The following CFAP70 variants were observed in gnomAD, a reference collection of about 807,000 sequenced individuals.
CFAP70 encodes the protein cilia- and flagella-associated protein 70.
CFAP70 carries 81 observed loss-of-function variants against 137.6 expected under a neutral mutation model. The observed-to-expected ratio is 0.59, with a 90% CI of 0.49 to 0.71. The LOEUF is 0.71. Ranked by LOEUF, CFAP70 falls within the 30% of genes least tolerant of loss-of-function variation. CFAP70 has a pLI of 0.00. For synonymous variants in CFAP70, 382 were observed against 423.6 expected (o/e 0.90, Z 1.20); for missense variants, 976 against 1,226.7 (o/e 0.80, Z 3.05).
chr10:73,343,101 T>C (rs1455371242), intron 5 of CFAP70, among the ~76,000 whole-genome samples: 1 of 150,752 alleles, frequency 6.6e-6, no homozygotes, highest in East Asian at 1.9e-4. Context: ...TCCCAGCTAC[T>C]CGGGAGGCTG....
intron 12 of CFAP70, among the ~76,000 whole-genome samples, chr10:73,309,635 T>C (rs115411954): frequency 0.014 from 2,111 of 151,812 alleles, 42 homozygotes; most frequent in African/African-American, 0.042. Context: ...ATATACTTTC[T>C]TGTTCATCCG....
chr10:73,259,270 C>T (rs574987787), intron 25 of CFAP70, among the ~76,000 whole-genome samples: 19 of 152,146 alleles, frequency 1.2e-4, no homozygotes, highest in African/African-American at 4.3e-4. Flanking sequence ...GGCTGGTTAC[C>T]CCAATAAGTG....
chr10:73,336,262 A>C (rs2052649750), intron 6 of CFAP70, among the ~76,000 whole-genome samples: 2 of 152,308 alleles, frequency 1.3e-5, no homozygotes, highest in South Asian at 4.1e-4. Context: ...GGTGACTGTA[A>C]TGTGCAGCCA....
At chr10:73,293,214 C>A in intron 16 of CFAP70, 49 bp downstream of exon 17, 1 of 1,551,386 alleles carries the variant, frequency 6.4e-7, no homozygotes, top group Admixed American at 1.9e-5. Context: ...ACTATTATGC[C>A]CATATTTCAC....
intron 1 of CFAP70, among the ~76,000 whole-genome samples, chr10:73,355,301 T>C (rs1466023748): frequency 6.6e-6 from 1 of 152,212 alleles, no homozygotes; most frequent in Non-Finnish European, 1.5e-5. Context: ...CAGCATTATA[T>C]TCTCACAGGA....
intron 9 of CFAP70, among the ~76,000 whole-genome samples, chr10:73,321,656 T>C (rs577780950): frequency 6.6e-6 from 1 of 152,250 alleles, no homozygotes; most frequent in South Asian, 2.1e-4. Context: ...TTTGCTCGAA[T>C]ATATGATTTT....
chr10:73,294,431 T>G (rs1329741610), intron 15 of CFAP70: 1 of 152,300 alleles, frequency 6.6e-6, no homozygotes, highest in Non-Finnish European at 1.5e-5. Flanking sequence ...TTCTCCTGCA[T>G]TTGTCCTGAA....
intron 23 of CFAP70, 73 bp from the exon 25 acceptor site, chr10:73,273,090 A>C: frequency 8.8e-7 from 1 of 1,130,784 alleles, no homozygotes; most frequent in Non-Finnish European, 1.3e-6. Context: ...TGATCATGGG[A>C]TCTCTGATAA....
rs146510765 is a variant in CFAP70 at position 73,335,494 on chromosome 10, T to G, written c.613A>C (p.Ile205Leu). ...AAGTCCCAAATAATCCTTTTCTTTA[T>G]GCACTCTGCTTGATTCCTAAATTCG... Residue 205 changes from isoleucine to leucine, a missense_variant, in exon 7 of 27, where the codon ATA (isoleucine) becomes CTA (leucine). Physicochemically the swap from Ile to Leu is conservative, Grantham distance 5. Transcript: ENST00000310715. 2.9e-4 allele frequency: 470 copies of G among 1,612,316 alleles called. 1 individual carries two copies. Among genetic ancestry groups the G allele is most frequent in the Admixed American group, 1.3e-3 (75 of 59,970 alleles).
chr10:73,305,728 A>C (rs2049321248), intron 12 of CFAP70, among the ~76,000 whole-genome samples: 1 of 152,250 alleles, frequency 6.6e-6, no homozygotes, highest in Admixed American at 6.5e-5. Flanking sequence ...TTTGATTTCC[A>C]AAATTCCCAC....
intron 4 of CFAP70, among the ~76,000 whole-genome samples, chr10:73,346,228 A>G (rs949384079): frequency 2.0e-5 from 3 of 152,164 alleles, no homozygotes; most frequent in Admixed American, 2.0e-4. Flanking sequence ...ATGCTTTGTA[A>G]TAAGAAAATA....
At chr10:73,335,812 A>G (rs958461534) in intron 6 of CFAP70, among the ~76,000 whole-genome samples, 3 of 151,566 alleles carry the variant, frequency 2.0e-5, no homozygotes, top group Non-Finnish European at 4.4e-5. Flanking sequence ...CTCTAGATGC[A>G]TATTAAAATC....
intron 25 of CFAP70, among the ~76,000 whole-genome samples, chr10:73,266,269 A>C (rs2133653975): frequency 6.6e-6 from 1 of 152,362 alleles, no homozygotes. Context: ...ATAATAAAGC[A>C]TACAATGAGT....
chr10:73,294,875 C>A (rs1001576458), intron 15 of CFAP70: 3 of 152,220 alleles, frequency 2.0e-5, no homozygotes, highest in African/African-American at 7.2e-5. Flanking sequence ...CAAAGTTAAT[C>A]CTTCCATTTA....
Position 73,351,127 on chromosome 10 carries a change from T to G in CFAP70, c.250+2429A>C, listed in dbSNP as rs576258165. Among the ~76,000 whole-genome samples the G allele has an allele frequency of 1.2e-4, 16 of 135,336 alleles. No individual in the cohort carries two copies. In the East Asian group the frequency reaches 1.2e-3, roughly 10 times the overall value. 88.8% of individuals were successfully genotyped at this position (135,336 alleles called of 152,430 possible). A position where few individuals can be genotyped will look rare whatever the true frequency, so the allele number is the denominator to read the frequency against. Reference sequence around the variant, plus strand: ...TATATATATATGTATGTTTTGTTTTTTTTTTTTGTGAGACGGAGTCTTGCT... The same window carrying G: ...TATATATATATGTATGTTTTGTTTTGTTTTTTTGTGAGACGGAGTCTTGCT... On this transcript the variant is annotated intron_variant, in intron 3 of 26. Coordinates refer to ENST00000310715, the Ensembl canonical transcript of CFAP70.
At chr10:73,285,093 A>G (rs541567271) in intron 19 of CFAP70, among the ~76,000 whole-genome samples, 68 of 152,146 alleles carry the variant, frequency 4.5e-4, no homozygotes, top group Middle Eastern at 3.4e-3. Flanking sequence ...AGAAACTGAG[A>G]CAAATTAAAT....
intron 3 of CFAP70, among the ~76,000 whole-genome samples, chr10:73,349,558 A>G (rs1296348088): frequency 1.3e-5 from 2 of 151,770 alleles, no homozygotes; most frequent in Non-Finnish European, 2.9e-5. Flanking sequence ...AAAAAAAAAG[A>G]AAAAGAAAAA....
At chr10:73,359,167 T>C (rs371476990), upstream of CFAP70, among the ~76,000 whole-genome samples, 7 of 152,338 alleles carry the variant, frequency 4.6e-5, no homozygotes, top group East Asian at 1.2e-3. Flanking sequence ...ATGACCCTGC[T>C]TCTAGGTGCT....
intron 1 of CFAP70, among the ~76,000 whole-genome samples, chr10:73,357,983 C>T (rs559491511): frequency 8.5e-5 from 13 of 152,360 alleles, no homozygotes; most frequent in African/African-American, 2.9e-4. Flanking sequence ...TCCTACTTAA[C>T]AACTATGTGC....
Sources: allele counts gnomAD v4.1 joint callset (sites outside exome capture counted in the v4.1 genomes callset), GRCh38; gene constraint gnomAD v4.1.1; transcripts MANE v1.5; gene names NCBI Gene and HGNC (gene_info 2026-07-23, HGNC 2026-07-21).